The following MAPK10 variants were observed in gnomAD, a reference collection of about 807,000 sequenced individuals.
MAPK10 encodes mitogen-activated protein kinase 10.
In MAPK10, 25 loss-of-function variants were observed where a neutral mutation model predicts 59.3. The ratio of observed to expected loss-of-function variants is 0.42; its 90% CI spans 0.31 to 0.59. The LOEUF is 0.59. MAPK10 is among the 20% of genes least tolerant of loss of function. The pLI is 0.15. For synonymous variants in MAPK10, 190 were observed against 200.5 expected (o/e 0.95, Z 0.44); for missense variants, 351 against 568.9 (o/e 0.62, Z 3.90).
chr4:86,317,890 C>A (rs921234844), intron 2 of MAPK10, among the ~76,000 whole-genome samples: 1 of 152,216 alleles, frequency 6.6e-6, no homozygotes, highest in Non-Finnish European at 1.5e-5. Context: ...GGACCATGCT[C>A]TCTCTGAAGG....
At chr4:86,087,570 A>G (rs963520447) in intron 9 of MAPK10, among the ~76,000 whole-genome samples, 5 of 151,912 alleles carry the variant, frequency 3.3e-5, no homozygotes, top group Non-Finnish European at 2.9e-5. Flanking sequence ...TATATTTAGA[A>G]GACAAAACAG....
chr4:86,582,873 T>C (rs1565076644), intron 1 of MAPK10, among the ~76,000 whole-genome samples: 1 of 152,180 alleles, frequency 6.6e-6, no homozygotes, highest in African/African-American at 2.4e-5. Context: ...GAATGTGTTA[T>C]TAATATAATT....
chr4:86,255,620 G>A (rs376544656), intron 2 of MAPK10, among the ~76,000 whole-genome samples: 2 of 146,992 alleles, frequency 1.4e-5, no homozygotes, highest in African/African-American at 4.9e-5. Flanking sequence ...TATATTGAAC[G>A]TTTTTTTAAA....
At chr4:86,542,175 G>A (rs1223157281) in intron 1 of MAPK10, among the ~76,000 whole-genome samples, 1 of 152,046 alleles carries the variant, frequency 6.6e-6, no homozygotes, top group Non-Finnish European at 1.5e-5. Flanking sequence ...ATAACATTAA[G>A]AAGCCCAATT....
chr4:86,279,873 A>G (rs1204673553), intron 2 of MAPK10, among the ~76,000 whole-genome samples: 1 of 152,094 alleles, frequency 6.6e-6, no homozygotes, highest in Non-Finnish European at 1.5e-5. Context: ...CCATCTTCCA[A>G]CCCTGGATCT....
intron 1 of MAPK10, among the ~76,000 whole-genome samples, chr4:86,459,159 A>G (rs1482672070): frequency 6.6e-6 from 1 of 152,246 alleles, no homozygotes; most frequent in Non-Finnish European, 1.5e-5. Context: ...ACATATGAAA[A>G]AATGCTCAAC....
intron 1 of MAPK10, among the ~76,000 whole-genome samples, chr4:86,520,262 T>G (rs965409397): frequency 1.3e-5 from 2 of 152,222 alleles, no homozygotes; most frequent in Non-Finnish European, 2.9e-5. Flanking sequence ...TATTCTTATG[T>G]TTGGTTGTTT....
chr4:86,078,591 G>A (rs1350235252), intron 9 of MAPK10, among the ~76,000 whole-genome samples: 1 of 147,770 alleles, frequency 6.8e-6, no homozygotes, highest in South Asian at 2.1e-4. Flanking sequence ...AAATACATAT[G>A]TATATATATA....
chr4:86,199,139 T>C (rs1464281099), intron 2 of MAPK10, among the ~76,000 whole-genome samples: 1 of 152,074 alleles, frequency 6.6e-6, no homozygotes, highest in Non-Finnish European at 1.5e-5. Flanking sequence ...TTAGTAAACT[T>C]GTGCATAGCC....
chr4:86,126,033 T>A (rs73837414), intron 4 of MAPK10: 2 of 152,010 alleles, frequency 1.3e-5, no homozygotes, highest in Non-Finnish European at 2.9e-5. Context: ...AGAAATAAAC[T>A]TCATTGCCCA....
At chr4:86,561,256 A>G (rs1325776911) in intron 1 of MAPK10, among the ~76,000 whole-genome samples, 1 of 152,140 alleles carries the variant, frequency 6.6e-6, no homozygotes, top group Non-Finnish European at 1.5e-5. Flanking sequence ...ATAATGATCC[A>G]TGGCCTGGGG....
chr4:86,286,656 T>C (rs1394201811), intron 2 of MAPK10, among the ~76,000 whole-genome samples: 1 of 152,110 alleles, frequency 6.6e-6, no homozygotes, highest in Non-Finnish European at 1.5e-5. Context: ...AGAGATCCAC[T>C]CGGAGCAGCC....
chr4:86,283,495 C>T (rs1242405721), intron 2 of MAPK10, among the ~76,000 whole-genome samples: 1 of 152,164 alleles, frequency 6.6e-6, no homozygotes. Context: ...AGTGTCCTTA[C>T]GACATGATAA....
At chr4:86,359,576 C>T (rs963486839) in intron 1 of MAPK10, 82 bp downstream of exon 1, 151 of 604,362 alleles carry the variant, frequency 2.5e-4, no homozygotes, top group Non-Finnish European at 2.9e-4. Flanking sequence ...CTCCCTCTCC[C>T]GCCCCACCAG....
At chr4:86,034,422 A>T (rs1030655441) in intron 11 of MAPK10, among the ~76,000 whole-genome samples, 2 of 152,214 alleles carry the variant, frequency 1.3e-5, no homozygotes, top group African/African-American at 4.8e-5. Context: ...TATGAATTTT[A>T]TACTGATGAA....
intron 1 of MAPK10, among the ~76,000 whole-genome samples, chr4:86,471,974 T>A (rs1224193405): frequency 6.6e-6 from 1 of 152,128 alleles, no homozygotes; most frequent in Non-Finnish European, 1.5e-5. Flanking sequence ...ATTGAAAAAA[T>A]TTCATACCAA....
intron 2 of MAPK10, among the ~76,000 whole-genome samples, chr4:86,303,434 T>C (rs1044144446): frequency 6.6e-6 from 1 of 151,626 alleles, no homozygotes; most frequent in African/African-American, 2.4e-5. Context: ...GATATAAAGA[T>C]GAAAAAAAAA....
At chr4:86,324,160 A>G (rs1484148339) in intron 2 of MAPK10, among the ~76,000 whole-genome samples, 1 of 152,184 alleles carries the variant, frequency 6.6e-6, no homozygotes, top group East Asian at 1.9e-4. Flanking sequence ...TAATCCCAAC[A>G]TTTTGGGAGG....
chr4:86,180,222 A>G (rs2076589413), intron 3 of MAPK10, among the ~76,000 whole-genome samples: 2 of 152,082 alleles, frequency 1.3e-5, no homozygotes. Context: ...CAAAAAATAT[A>G]TGAAAAGATC....
Sources: allele counts gnomAD v4.1 joint callset (sites outside exome capture counted in the v4.1 genomes callset), GRCh38; gene constraint gnomAD v4.1.1; transcripts MANE v1.5; gene names NCBI Gene and HGNC (gene_info 2026-07-23, HGNC 2026-07-21).